Variants in ZNF680 observed in about 807,000 individuals in gnomAD.
ZNF680 encodes zinc finger protein 680, also known as hypothetical protein FLJ90430.
ZNF680 carries 6 observed loss-of-function variants against 12.1 expected under a neutral mutation model. That is an observed-to-expected ratio of 0.49 (90% CI 0.27 to 0.98). The LOEUF is 0.98. ZNF680 is among the 50% of genes least tolerant of loss of function. ZNF680 has a pLI of 0.12. For synonymous variants in ZNF680, 170 were observed against 199.3 expected, an observed-to-expected ratio of 0.85 and a Z score of 1.24; for missense variants, 561 against 616.3, an observed-to-expected ratio of 0.91 and a Z score of 0.95.
chr7:64,521,130 C>T lies in ZNF680; in HGVS notation c.*31G>A. 6.4e-7 allele frequency: 1 copy of T among 1,557,738 alleles called. No homozygotes were observed. The highest frequency in any genetic ancestry group is 2.3e-5 in the East Asian group (1 of 44,416). The stretch of plus-strand genomic sequence containing the variant: ...TCTTCACATTTTTAGGGTTTCTCAA[C>T]AGGATGGTGTCTTTTATGTTTAGAA... On this transcript the variant is annotated 3_prime_UTR_variant, in exon 4 of 4. Transcript: ENST00000309683.
At position 64,521,959 on chromosome 7, in the gene ZNF680, G is replaced by A. The variant is rs1438749900; in HGVS notation, c.795C>T (p.Pro265=). ...CTTTGCCACATTCTTCACATTTGAA[G>A]GGTTTCTCTTCAATATGAATTTTCT... ...KHKKIHIEEK[P]FKCEECGKAF... The change falls in exon 4 of 4, where the codon CCC becomes CCT. Residue 265 remains proline (P), a synonymous_variant. Transcript: ENST00000309683. 1 of 1,612,546 alleles carries A rather than the reference G, an allele frequency of 6.2e-7. No homozygotes were observed. The highest frequency in any genetic ancestry group is 8.5e-7 in the Non-Finnish European group (1 of 1,179,438).
chr7:64,500,877 T>G, the ZNF680 span: 3 of 553,296 alleles, frequency 5.4e-6, no homozygotes, highest in African/African-American at 5.7e-5. Flanking sequence ...AACTCCCATG[T>G]GTTCACTGGA....
At chr7:64,557,011 G>T (rs567840664) in intron 1 of ZNF680, among the ~76,000 whole-genome samples, 2 of 152,368 alleles carry the variant, frequency 1.3e-5, no homozygotes, top group South Asian at 2.1e-4. Flanking sequence ...AGCACTTTGG[G>T]AGGCCAAGGC....
At chr7:64,537,682 T>C (rs11770985) in intron 3 of ZNF680, among the ~76,000 whole-genome samples, 34,264 of 151,956 alleles carry the variant, frequency 0.23, 4,047 homozygotes, top group South Asian at 0.28. Context: ...AATCCCAGCA[T>C]TTTGGGAGGC....
Position 64,562,993 on chromosome 7 carries a change from T to C in ZNF680, c.-39A>G, listed in dbSNP as rs6969879. 459,774 of 1,610,386 alleles carry C rather than the reference T, an allele frequency of 0.29. 68,139 individuals are homozygous for C. Among genetic ancestry groups the C allele is most frequent in the East Asian group, 0.46 (20,684 of 44,726 alleles). On this transcript the variant is annotated 5_prime_UTR_variant, in exon 1 of 4. Coordinates refer to ENST00000309683, the MANE Select transcript of ZNF680 (RefSeq NM_178558.5). Reference sequence around the variant, plus strand: ...CTCCCAATACCTGCAGATAACGGAGTCACAGAGGCTGGGCCTCTAGGAGCA... The same window carrying C: ...CTCCCAATACCTGCAGATAACGGAGCCACAGAGGCTGGGCCTCTAGGAGCA...
chr7:64,512,060 C>CAAA, the ZNF680 span, among the ~76,000 whole-genome samples: 1 of 112,550 alleles, frequency 8.9e-6, no homozygotes, highest in African/African-American at 3.2e-5. Context: ...ACTTGGTCTC[C>CAAA]AAAAAAAAAA....
chr7:64,514,786 A>G, the ZNF680 span, among the ~76,000 whole-genome samples: 2 of 152,316 alleles, frequency 1.3e-5, no homozygotes, highest in African/African-American at 4.8e-5. Flanking sequence ...GCTCATGCCT[A>G]TAATCCCAGC....
chr7:64,541,432 C>T (rs1256861865), intron 3 of ZNF680, among the ~76,000 whole-genome samples: 1 of 152,112 alleles, frequency 6.6e-6, no homozygotes, highest in Non-Finnish European at 1.5e-5. Context: ...TTATGTGAGC[C>T]ATGGCTCACA....
At chr7:64,555,421 A>C (rs1245409083) in intron 1 of ZNF680, among the ~76,000 whole-genome samples, 3 of 152,164 alleles carry the variant, frequency 2.0e-5, no homozygotes, top group African/African-American at 7.2e-5. Flanking sequence ...TTGAGTAAAT[A>C]ATGAAATTAA....
the ZNF680 span, among the ~76,000 whole-genome samples, chr7:64,503,456 C>T: frequency 2.1e-5 from 3 of 142,722 alleles, no homozygotes; most frequent in Admixed American, 2.2e-4. Flanking sequence ...TTTCGGCTCA[C>T]TGTAACCTCT....
At chr7:64,542,341 ATTTT>A (rs1186246850) in intron 3 of ZNF680, among the ~76,000 whole-genome samples, 1 of 152,150 alleles carries the variant, frequency 6.6e-6, no homozygotes, top group Non-Finnish European at 1.5e-5. Flanking sequence ...TAAATACTTT[ATTTT>A]AACATAGAAC....
chr7:64,539,376 G>GAAAA (rs1233424872), intron 3 of ZNF680, among the ~76,000 whole-genome samples: 1 of 72,054 alleles, frequency 1.4e-5, no homozygotes, highest in Non-Finnish European at 2.5e-5. Flanking sequence ...AAAAAAAAAA[G>GAAAA]AAAAGAAAAT....
rs991729393 is a variant in ZNF680 at position 64,519,956 on chromosome 7, A to G, written c.*1205T>C. The G allele has an allele frequency of 1.3e-5, 2 of 151,908 alleles. No homozygotes were observed. The highest frequency in any genetic ancestry group is 2.4e-5 in the African/African-American group (1 of 41,444). The allele number at this position is 151,908 out of a possible 1,614,324, so 9.4% of individuals were successfully genotyped here. A position where few individuals can be genotyped will look rare whatever the true frequency, so the allele number is the denominator to read the frequency against. On this transcript the variant is annotated 3_prime_UTR_variant, in exon 4 of 4. Transcript: ENST00000309683. ...AAATTTTCAAATGTACTGCATTTATAGCATAAAAGTACAATTAGTAAAATG... is the reference window on the plus strand; with the variant it reads ...AAATTTTCAAATGTACTGCATTTATGGCATAAAAGTACAATTAGTAAAATG...
intron 1 of ZNF680, among the ~76,000 whole-genome samples, chr7:64,553,354 G>C (rs1787187641): frequency 6.6e-6 from 1 of 152,022 alleles, no homozygotes; most frequent in Non-Finnish European, 1.5e-5. Flanking sequence ...TTTAAGAAAA[G>C]AGAGATGAGG....
chr7:64,500,882 A>G, the ZNF680 span: 1 of 562,514 alleles, frequency 1.8e-6, no homozygotes, highest in Non-Finnish European at 3.5e-6. Context: ...CCATGTGTTC[A>G]CTGGAAATCT....
chr7:64,506,193 A>ATTTTTTTTTTTTTTTTTTTTTAT, the ZNF680 span, among the ~76,000 whole-genome samples: 1 of 105,580 alleles, frequency 9.5e-6, no homozygotes. Flanking sequence ...AGTCTTTTAG[A>ATTTTTTTTTTTTTTTTTTTTTAT]TTTTTTTTTT....
chr7:64,548,367 T>A (rs1008198461), intron 1 of ZNF680, among the ~76,000 whole-genome samples: 2 of 152,224 alleles, frequency 1.3e-5, no homozygotes, highest in African/African-American at 4.8e-5. Flanking sequence ...AAAGGCCAAG[T>A]TTTTTTCTTT....
At position 64,521,123 on chromosome 7, in the gene ZNF680, T is replaced by C. The variant is rs1355340579; in HGVS notation, c.*38A>G. 2 of 1,544,882 alleles carry C rather than the reference T, an allele frequency of 1.3e-6. No individual in the cohort carries two copies. Among genetic ancestry groups the C allele is most frequent in the Non-Finnish European group, 1.7e-6 (2 of 1,147,864 alleles). ...GTCAAATTCTTCACATTTTTAGGGTTTCTCAACAGGATGGTGTCTTTTATG... is the reference window on the plus strand; with the variant it reads ...GTCAAATTCTTCACATTTTTAGGGTCTCTCAACAGGATGGTGTCTTTTATG... On this transcript the variant is annotated 3_prime_UTR_variant, in exon 4 of 4. Transcript: ENST00000309683.
chr7:64,545,180 C>T (rs1786718124), intron 1 of ZNF680, among the ~76,000 whole-genome samples: 1 of 145,448 alleles, frequency 6.9e-6, no homozygotes, highest in African/African-American at 2.5e-5. Context: ...AGGAGAATCG[C>T]TTGAACCTGG....
Sources: allele counts gnomAD v4.1 joint callset (sites outside exome capture counted in the v4.1 genomes callset), GRCh38; gene constraint gnomAD v4.1.1; transcripts MANE v1.5; gene names NCBI Gene and HGNC (gene_info 2026-07-23, HGNC 2026-07-21).